The following FGF2 variants were observed in gnomAD, a reference collection of about 807,000 sequenced individuals.
FGF2 encodes the protein fibroblast growth factor 2, also known as basic fibroblast growth factor bFGF.
Under a neutral mutation model 15.9 loss-of-function variants are expected in FGF2, and 13 were observed. The ratio of observed to expected loss-of-function variants is 0.82; its 90% confidence interval spans 0.53 to 1.30. The LOEUF (loss-of-function observed/expected upper bound fraction) is 1.30, where lower values mean the gene tolerates loss of function less well. Ranked by LOEUF, FGF2 falls within the 50% of genes most tolerant of loss-of-function variation. The probability of loss-of-function intolerance (pLI) is 0.00; values close to 1 mark genes in which losing one functional copy is unlikely to be tolerated. For synonymous variants in FGF2, 90 were observed against 78.4 expected (o/e 1.15, Z -0.78); for missense variants, 163 against 196.9 (o/e 0.83, Z 1.03).
chr4:122,893,035 C>G lies in FGF2; in HGVS notation c.*639C>G. ...TCTTCGCCAGGTCATTGAGATCCAT[C>G]CACTCACATCTTAAGCATTCTTCCT... On this transcript the variant is annotated 3_prime_UTR_variant, in exon 3 of 3. Coordinates refer to ENST00000644866, the MANE Select transcript of FGF2 (RefSeq NM_001361665.2). 1 of 1,614,100 alleles carries G rather than the reference C, an allele frequency of 6.2e-7. No homozygotes were observed.
intron 2 of FGF2, among the ~76,000 whole-genome samples, chr4:122,881,605 A>T (rs1288074141): frequency 6.6e-6 from 1 of 152,212 alleles, no homozygotes; most frequent in Middle Eastern, 3.2e-3. Context: ...TCTCCATTTG[A>T]GACCTCCTCA....
rs572759975 is a variant in FGF2 at position 122,833,622 on chromosome 4, A to G, written c.178+6270A>G. On this transcript the variant is annotated intron_variant, in intron 1 of 2. Coordinates refer to ENST00000644866, the MANE Select transcript of FGF2 (RefSeq NM_001361665.2). ...TGACTTCTTTATATAAATAAACATC[A>G]TAAAAAGCTCAGTACTTTTTACTCA... Among the ~76,000 whole-genome samples, 4 of 152,308 alleles carry G rather than the reference A, an allele frequency of 2.6e-5. No individual in the cohort carries two copies. In the South Asian group the frequency reaches 8.3e-4, roughly 32 times the overall value.
intron 2 of FGF2, among the ~76,000 whole-genome samples, chr4:122,877,310 G>T (rs560598030): frequency 6.6e-6 from 1 of 152,164 alleles, no homozygotes; most frequent in Non-Finnish European, 1.5e-5. Context: ...ACAGGGTTTC[G>T]CCATGTTGGC....
chr4:122,867,567 A>G (rs930286225), intron 1 of FGF2, among the ~76,000 whole-genome samples: 1 of 152,178 alleles, frequency 6.6e-6, no homozygotes, highest in Non-Finnish European at 1.5e-5. Flanking sequence ...GCTGGTCTCA[A>G]ACCCTGGGCT....
At chr4:122,856,618 TC>T (rs1726346555) in intron 1 of FGF2, among the ~76,000 whole-genome samples, 1 of 152,248 alleles carries the variant, frequency 6.6e-6, no homozygotes, top group South Asian at 2.1e-4. Context: ...GCTGGTATTT[TC>T]TAAATTAAAT....
At position 122,895,198 on chromosome 4, in the gene FGF2, G is replaced by A. The variant is rs190613209; in HGVS notation, c.*2802G>A. 1.3e-4 allele frequency: 20 copies of A among 152,306 alleles called. No homozygotes were observed. The highest frequency in any genetic ancestry group is 4.8e-4 in the African/African-American group (20 of 41,564). The allele number at this position is 152,306 out of a possible 1,614,324, so 9.4% of individuals were successfully genotyped here. On this transcript the variant is annotated 3_prime_UTR_variant, in exon 3 of 3. Transcript: ENST00000644866. ...AAGATGAATTGAAATTTTTAATCAA[G>A]ATAGTGTGCTTTATTCTGTTGTATT...
chr4:122,870,912 G>A (rs1726717935), intron 1 of FGF2, among the ~76,000 whole-genome samples: 1 of 152,076 alleles, frequency 6.6e-6, no homozygotes, highest in African/African-American at 2.4e-5. Flanking sequence ...TAATTATGAT[G>A]TTAGGGTGTT....
At chr4:122,877,479 A>G (rs1726880035) in intron 2 of FGF2, among the ~76,000 whole-genome samples, 1 of 152,148 alleles carries the variant, frequency 6.6e-6, no homozygotes, top group African/African-American at 2.4e-5. Flanking sequence ...CCTGGCTAGT[A>G]TTCTTTCCAC....
At chr4:122,841,686 A>G (rs1215904691) in intron 1 of FGF2, among the ~76,000 whole-genome samples, 1 of 152,242 alleles carries the variant, frequency 6.6e-6, no homozygotes, top group Non-Finnish European at 1.5e-5. Flanking sequence ...GTAAAACGTC[A>G]TGCTTCAGAT....
chr4:122,876,326 C>T lies in FGF2; in HGVS notation c.184C>T (p.Leu62=). The change falls in exon 2 of 3, where the codon CTA becomes TTA. Residue 62 remains leucine (L), a synonymous_variant. Transcript: ENST00000644866. ...AATTTTTTTTCCCGTTACAGTCAAG[C>T]TACAACTTCAAGCAGAAGAGAGAGG... ...VREKSDPHIK[L]QLQAEERGVV... is the part of the protein sequence containing the mutation. 6.2e-7 allele frequency: 1 copy of T among 1,605,888 alleles called. No homozygotes were observed. Among genetic ancestry groups the T allele is most frequent in the Non-Finnish European group, 8.5e-7 (1 of 1,172,732 alleles).
intron 1 of FGF2, among the ~76,000 whole-genome samples, chr4:122,844,004 G>A (rs913000896): frequency 6.6e-6 from 1 of 152,134 alleles, no homozygotes; most frequent in Non-Finnish European, 1.5e-5. Flanking sequence ...TGAAATTTGC[G>A]GCATCAGTTG....
At position 122,827,458 on chromosome 4, in the gene FGF2, G is replaced by A; in HGVS notation, c.178+106G>A. ...CTCCCGGATCTTCACTGCGACCCTA[G>A]CGCTCCGTGTGGTTTCTGGCCGCGC... On this transcript the variant is annotated intron_variant, in intron 1 of 2. Coordinates refer to ENST00000644866, the MANE Select transcript of FGF2 (RefSeq NM_001361665.2). This position sits in a 1 kb window ranked among gnomAD's most constrained non-coding sequence, Gnocchi z 4.2. 1 of 1,338,900 alleles carries A rather than the reference G, an allele frequency of 7.5e-7. No homozygotes were observed. Among genetic ancestry groups the A allele is most frequent in the Non-Finnish European group, 1.1e-6 (1 of 950,016 alleles). The allele number at this position is 1,338,900 out of a possible 1,614,324, so 82.9% of individuals were successfully genotyped here.
In FGF2 at chr4:122,893,076, T is replaced by C. The variant is rs753188971; in HGVS notation, c.*680T>C. ...CATTCTTCCTGGCAAAAATTTATGG[T>C]GAATGAATATGGCTTTAGGCGGCAG... is the stretch of plus-strand genomic sequence containing the variant. On this transcript the variant is annotated 3_prime_UTR_variant, in exon 3 of 3. Coordinates refer to ENST00000644866, the MANE Select transcript of FGF2 (RefSeq NM_001361665.2). The C allele has an allele frequency of 5.6e-6, 9 of 1,614,038 alleles. No individual in the cohort carries two copies. The highest frequency in any genetic ancestry group is 2.7e-5 in the African/African-American group (2 of 74,914).
chr4:122,861,147 C>T (rs140353124), intron 1 of FGF2, among the ~76,000 whole-genome samples: 27 of 152,158 alleles, frequency 1.8e-4, no homozygotes, highest in Middle Eastern at 3.4e-3. Context: ...TCTGCGCTGG[C>T]TACACACTTT....
chr4:122,848,442 G>A (rs559748913), intron 1 of FGF2, among the ~76,000 whole-genome samples: 25 of 152,334 alleles, frequency 1.6e-4, no homozygotes, highest in African/African-American at 5.8e-4. Context: ...CTTGATCACA[G>A]TGATCGTGAT....
intron 2 of FGF2, among the ~76,000 whole-genome samples, chr4:122,879,621 A>C (rs891472337): frequency 2.0e-5 from 3 of 152,240 alleles, no homozygotes; most frequent in Non-Finnish European, 4.4e-5. Flanking sequence ...CGATAAAGAC[A>C]TACCAGAGAC....
Position 122,895,341 on chromosome 4 carries a change from G to A in FGF2, c.*2945G>A, listed in dbSNP as rs1483388287. On this transcript the variant is annotated 3_prime_UTR_variant, in exon 3 of 3. Coordinates refer to ENST00000644866, the MANE Select transcript of FGF2 (RefSeq NM_001361665.2). ...TTTATTTTTGCTGATGAAGAGATAT[G>A]TTTAAATATGTTGTATTGTTTTGTT... The A allele has an allele frequency of 3.3e-5, 5 of 152,172 alleles. No homozygotes were observed. Among genetic ancestry groups the A allele is most frequent in the Non-Finnish European group, 7.4e-5 (5 of 68,026 alleles). The allele number at this position is 152,172 out of a possible 1,614,324, so 9.4% of individuals were successfully genotyped here.
At chr4:122,886,499 A>G (rs1260436756) in intron 2 of FGF2, among the ~76,000 whole-genome samples, 1 of 152,188 alleles carries the variant, frequency 6.6e-6, no homozygotes, top group Non-Finnish European at 1.5e-5. Context: ...GAGGGGTAGT[A>G]TCTACATAAA....
chr4:122,857,571 C>T (rs1410818602), intron 1 of FGF2, among the ~76,000 whole-genome samples: 2 of 152,188 alleles, frequency 1.3e-5, no homozygotes, highest in African/African-American at 4.8e-5. Context: ...CAGGAGTCAC[C>T]TGATATTTAC....
Sources: gnomAD v4.1 joint callset for allele counts (sites outside exome capture counted in the v4.1 genomes callset) on GRCh38, gnomAD v4.1.1 for gene constraint, Gnocchi (gnomAD v3.1) non-coding constraint, MANE v1.5 for transcripts, NCBI Gene and HGNC (gene_info 2026-07-23, HGNC 2026-07-21) for gene names.